Variants in SYT17 observed in about 807,000 individuals in gnomAD.
SYT17 encodes the protein synaptotagmin 17.
In SYT17, 22 loss-of-function variants were observed where a neutral mutation model predicts 46.7. The ratio of observed to expected loss-of-function variants is 0.47; its 90% confidence interval spans 0.34 to 0.67. SYT17 has a LOEUF of 0.67. Among genes scored for constraint, SYT17 ranks in the 30% least tolerant of loss-of-function variants. The probability of loss-of-function intolerance (pLI) is 0.01; values close to 1 mark genes in which losing one functional copy is unlikely to be tolerated. For missense variants in SYT17, 519 were observed against 612.8 expected (o/e 0.85, Z 1.62); for synonymous variants, 251 against 248.4 (o/e 1.01, Z -0.10).
At position 19,202,119 on chromosome 16, in the gene SYT17, C is replaced by A. The variant is rs924732725; in HGVS notation, c.951+17972C>A. 4.6e-5 allele frequency among the ~76,000 whole-genome samples: 7 copies of A among 152,190 alleles called. 2 individuals carry two copies. Among genetic ancestry groups the A allele is most frequent in the Admixed American group, 6.5e-5 (1 of 15,272 alleles). On this transcript the variant is annotated intron_variant, in intron 5 of 7. Transcript: ENST00000355377. ...TGTCCTTCAATTCAATTCATACGGA[C>A]ACTAAATGCCTGGAGTTAGTGCAGA...
At chr16:19,210,141 A>G (rs981247801) in intron 5 of SYT17, among the ~76,000 whole-genome samples, 4 of 152,158 alleles carry the variant, frequency 2.6e-5, no homozygotes, top group Non-Finnish European at 5.9e-5. Context: ...CATATGTAAT[A>G]TATAGTGATA....
chr16:19,176,645 T>C (rs536861162), intron 3 of SYT17, among the ~76,000 whole-genome samples: 2 of 150,556 alleles, frequency 1.3e-5, no homozygotes, highest in South Asian at 4.2e-4. Flanking sequence ...ATTGGGGTAT[T>C]GTGACTAGAG....
intron 4 of SYT17, 52 bp downstream of exon 4, chr16:19,180,591 A>G (rs1209025729): frequency 6.2e-7 from 1 of 1,606,592 alleles, no homozygotes; most frequent in African/African-American, 1.3e-5. Context: ...TTTCCCAGAC[A>G]CTCTCCCACG....
At chr16:19,180,188 T>G in intron 3 of SYT17, 1 of 559,594 alleles carries the variant, frequency 1.8e-6, no homozygotes, top group South Asian at 2.3e-5. Flanking sequence ...TGGGGAATAT[T>G]TCTTCATATC....
chr16:19,268,109 C>T lies in SYT17; in HGVS notation c.*1033C>T, dbSNP rs528450447. ...ACACCCCATCCATGATGATCTTCTT[C>T]CTTAATCATACTCTGAGGATCTTTC... is the stretch of plus-strand genomic sequence containing the variant. On this transcript the variant is annotated 3_prime_UTR_variant, in exon 8 of 8. Coordinates refer to ENST00000355377, the MANE Select transcript of SYT17 (RefSeq NM_016524.4). The T allele has an allele frequency of 6.6e-6, 1 of 152,252 alleles. No homozygotes were observed. The highest frequency in any genetic ancestry group is 1.5e-5 in the Non-Finnish European group (1 of 68,014). 9.4% of individuals were successfully genotyped at this position (152,252 alleles called of 1,614,324 possible). A position where few individuals can be genotyped will look rare whatever the true frequency, so the allele number is the denominator to read the frequency against.
At chr16:19,199,770 A>G (rs1965391210) in intron 5 of SYT17, among the ~76,000 whole-genome samples, 1 of 152,138 alleles carries the variant, frequency 6.6e-6, no homozygotes, top group African/African-American at 2.4e-5. Context: ...AAAGGATGAT[A>G]TTGATATCTA....
At chr16:19,217,159 G>A (rs1221069374) in intron 5 of SYT17, among the ~76,000 whole-genome samples, 1 of 152,020 alleles carries the variant, frequency 6.6e-6, no homozygotes, top group Non-Finnish European at 1.5e-5. Context: ...CCATATGTTT[G>A]CAATTATTTC....
intron 4 of SYT17, among the ~76,000 whole-genome samples, chr16:19,181,196 T>C (rs1000539720): frequency 6.6e-6 from 1 of 152,218 alleles, no homozygotes; most frequent in Non-Finnish European, 1.5e-5. Flanking sequence ...ACAAAATGTA[T>C]GTGTGGCCAT....
intron 5 of SYT17, among the ~76,000 whole-genome samples, chr16:19,221,704 T>C (rs555089035): frequency 6.6e-6 from 1 of 152,278 alleles, no homozygotes; most frequent in South Asian, 2.1e-4. Flanking sequence ...TTGGCATTAA[T>C]TTGTTGAAAT....
At chr16:19,172,438 T>C (rs1964133043) in intron 1 of SYT17, 2 of 1,438,624 alleles carry the variant, frequency 1.4e-6, no homozygotes, top group Non-Finnish European at 1.8e-6. Flanking sequence ...GTGGCTGCAT[T>C]GGATAGCATG....
chr16:19,228,547 G>A (rs1442596163), intron 7 of SYT17, among the ~76,000 whole-genome samples: 2 of 152,146 alleles, frequency 1.3e-5, no homozygotes, highest in African/African-American at 4.8e-5. Context: ...TAAAGCAACT[G>A]GACTAGGCTG....
chr16:19,221,205 A>G (rs1966304949), intron 5 of SYT17, among the ~76,000 whole-genome samples: 2 of 150,092 alleles, frequency 1.3e-5, no homozygotes, highest in South Asian at 4.2e-4. Flanking sequence ...AAAAAAAAAA[A>G]AAAGAGAGAG....
chr16:19,239,350 G>A (rs979929772), intron 7 of SYT17, among the ~76,000 whole-genome samples: 1 of 152,168 alleles, frequency 6.6e-6, no homozygotes, highest in African/African-American at 2.4e-5. Context: ...GCCAGGGCCT[G>A]CAGGGCACAG....
Position 19,172,843 on chromosome 16 carries a change from A to G in SYT17, c.33+66A>G. On this transcript the variant is annotated intron_variant, in intron 2 of 7. Coordinates refer to ENST00000355377, the MANE Select transcript of SYT17 (RefSeq NM_016524.4). ...AAGAAATGCCTGACTTTCATTTTGGAGTCTTATGTGGGGCTGTGGGGATAT... is the reference window on the plus strand; with the variant it reads ...AAGAAATGCCTGACTTTCATTTTGGGGTCTTATGTGGGGCTGTGGGGATAT... 9 of 1,586,792 alleles carry G rather than the reference A, an allele frequency of 5.7e-6. No individual in the cohort carries two copies. The South Asian group carries it at 8.9e-5, about 16-fold the overall frequency.
At chr16:19,173,341 T>G in intron 2 of SYT17, 89 bp from the exon 3 acceptor site, 1 of 826,142 alleles carries the variant, frequency 1.2e-6, no homozygotes, top group Non-Finnish European at 1.8e-6. Context: ...TGCTTGTAAT[T>G]TTGGGTGTTG....
chr16:19,224,868 C>T (rs772933963), intron 7 of SYT17, 30 bp downstream of exon 7: 1 of 1,611,386 alleles, frequency 6.2e-7, no homozygotes, highest in African/African-American at 1.3e-5. Context: ...CCGATGAACT[C>T]CAGGTGAGGC....
chr16:19,183,850 T>C lies in SYT17; in HGVS notation c.654T>C (p.Asp218=), dbSNP rs1964663029. 1.9e-6 allele frequency: 3 copies of C among 1,614,066 alleles called. No individual in the cohort carries two copies. The South Asian group carries it at 3.3e-5, about 18-fold the overall frequency. The change falls in exon 5 of 8, where the codon GAT becomes GAC. Residue 218 remains aspartate (D), a synonymous_variant. Transcript: ENST00000355377. This position sits in a 1 kb window ranked among gnomAD's most constrained non-coding sequence, Gnocchi z 5.6. ...ACCTGCCACCTCCCATCTCCCACGA[T>C]GGCTCGCGCCAGGACATGGCGCACT... ...ARDLPPPISH[D]GSRQDMAHSN...
intron 7 of SYT17, among the ~76,000 whole-genome samples, chr16:19,225,678 T>A (rs1332497921): frequency 1.3e-5 from 2 of 152,106 alleles, no homozygotes; most frequent in Non-Finnish European, 2.9e-5. Context: ...GTTTTCAGCA[T>A]GATTTAGTTC....
rs1415192043 is a variant in SYT17 at position 19,267,951 on chromosome 16, TGTGTGTGTGTGTGTGTGTGTGTAAA to T, written c.*878_*902del. The T allele has an allele frequency of 9.9e-6, 1 of 101,018 alleles. No homozygotes were observed. Among genetic ancestry groups the T allele is most frequent in the Admixed American group, 1.1e-4 (1 of 9,256 alleles). 6.3% of individuals were successfully genotyped at this position (101,018 alleles called of 1,614,324 possible). A position where few individuals can be genotyped will look rare whatever the true frequency, so the allele number is the denominator to read the frequency against. ...TGGATAAAAGTAGTGTGTGTGTGTG[TGTGTGTGTGTGTGTGTGTGTGTAAA>T]GTAAATAGGATATGATAGAGCAAAA... On this transcript the variant is annotated 3_prime_UTR_variant, in exon 8 of 8. Transcript: ENST00000355377.
Sources: allele counts gnomAD v4.1 joint callset (sites outside exome capture counted in the v4.1 genomes callset), GRCh38; gene constraint gnomAD v4.1.1; non-coding constraint Gnocchi (gnomAD v3.1); transcripts MANE v1.5; gene names NCBI Gene and HGNC (gene_info 2026-07-23, HGNC 2026-07-21).